The following RPS6KC1 variants were observed in gnomAD, a reference collection of about 807,000 sequenced individuals.
RPS6KC1 encodes the protein inactive ribosomal protein S6 kinase delta-1.
Under a neutral mutation model 103.8 loss-of-function variants are expected in RPS6KC1, and 54 were observed. That is an observed-to-expected ratio of 0.52 (90% CI 0.42 to 0.65). RPS6KC1 has a LOEUF of 0.65. Ranked by LOEUF, RPS6KC1 falls within the 30% of genes least tolerant of loss-of-function variation. RPS6KC1 has a pLI of 0.00. For synonymous variants in RPS6KC1, 439 were observed against 438.7 expected, an observed-to-expected ratio of 1.00 and a Z score of -0.01; for missense variants, 1,151 against 1,253.8, an observed-to-expected ratio of 0.92 and a Z score of 1.24.
At chr1:213,254,331 A>T (rs1284633048) in intron 12 of RPS6KC1, among the ~76,000 whole-genome samples, 1 of 152,194 alleles carries the variant, frequency 6.6e-6, no homozygotes, top group Non-Finnish European at 1.5e-5. Context: ...CTGTGTCTCC[A>T]TTACATTAAA....
At chr1:213,638,274 A>G in the RPS6KC1 span, among the ~76,000 whole-genome samples, 2 of 151,928 alleles carry the variant, frequency 1.3e-5, no homozygotes, top group African/African-American at 4.8e-5. Context: ...AAAATTCTTT[A>G]AATGTTTTGT....
the RPS6KC1 span, among the ~76,000 whole-genome samples, chr1:213,798,070 C>G: frequency 6.6e-6 from 1 of 152,180 alleles, no homozygotes; most frequent in African/African-American, 2.4e-5. Flanking sequence ...ATCAAGATGC[C>G]TGAAACTCTG....
the RPS6KC1 span, among the ~76,000 whole-genome samples, chr1:213,307,408 A>G: frequency 6.6e-6 from 1 of 152,094 alleles, no homozygotes; most frequent in Non-Finnish European, 1.5e-5. Flanking sequence ...AGAACTAACC[A>G]TATGCTCCTT....
chr1:213,668,364 T>G, the RPS6KC1 span, among the ~76,000 whole-genome samples: 2 of 152,022 alleles, frequency 1.3e-5, no homozygotes, highest in Non-Finnish European at 2.9e-5. Context: ...GCATTGTCAA[T>G]GAGCAGCAAT....
chr1:213,424,233 CAACTT>C, the RPS6KC1 span, among the ~76,000 whole-genome samples: 1 of 152,210 alleles, frequency 6.6e-6, no homozygotes, highest in Non-Finnish European at 1.5e-5. Flanking sequence ...TTTTCCAACT[CAACTT>C]CGGCTTTCTA....
At chr1:213,846,128 TAAAAA>T in the RPS6KC1 span, among the ~76,000 whole-genome samples, 3 of 82,836 alleles carry the variant, frequency 3.6e-5, no homozygotes, top group East Asian at 3.6e-4. Flanking sequence ...CCGTCTCAAC[TAAAAA>T]AAAAAAAAAA....
At chr1:213,507,257 C>T in the RPS6KC1 span, among the ~76,000 whole-genome samples, 51 of 152,252 alleles carry the variant, frequency 3.3e-4, no homozygotes, top group Admixed American at 2.0e-4. Flanking sequence ...ACTACCAACC[C>T]GCAGGGCCAA....
At chr1:213,501,056 AGATTT>A in the RPS6KC1 span, among the ~76,000 whole-genome samples, 1 of 152,004 alleles carries the variant, frequency 6.6e-6, no homozygotes, top group Non-Finnish European at 1.5e-5. Flanking sequence ...AATAGTCTAT[AGATTT>A]AATTCGATTT....
At chr1:213,581,144 G>A in the RPS6KC1 span, among the ~76,000 whole-genome samples, 2 of 151,938 alleles carry the variant, frequency 1.3e-5, no homozygotes, top group South Asian at 4.1e-4. Context: ...ACATGGCCCT[G>A]GAGAGTAGTT....
the RPS6KC1 span, among the ~76,000 whole-genome samples, chr1:213,572,072 C>T: frequency 1.3e-5 from 2 of 152,078 alleles, no homozygotes; most frequent in Non-Finnish European, 2.9e-5. Flanking sequence ...AACACTGTCT[C>T]GAGGGGATGC....
chr1:213,361,185 T>G, the RPS6KC1 span, among the ~76,000 whole-genome samples: 14 of 152,356 alleles, frequency 9.2e-5, no homozygotes, highest in Admixed American at 7.2e-4. Context: ...GCAGGCCTCC[T>G]TGAGCTGCGG....
At chr1:213,192,996 T>G (rs2092804558) in intron 8 of RPS6KC1, among the ~76,000 whole-genome samples, 1 of 152,122 alleles carries the variant, frequency 6.6e-6, no homozygotes, top group Non-Finnish European at 1.5e-5. Context: ...ATTTCTGTAG[T>G]TTCCAGAAAT....
the RPS6KC1 span, among the ~76,000 whole-genome samples, chr1:213,529,634 A>C: frequency 5.3e-5 from 8 of 152,178 alleles, no homozygotes; most frequent in African/African-American, 1.9e-4. Flanking sequence ...CCCATTTCAC[A>C]GATAGGGAAA....
At chr1:213,259,824 C>T (rs1004950273) in intron 12 of RPS6KC1, among the ~76,000 whole-genome samples, 2 of 150,054 alleles carry the variant, frequency 1.3e-5, no homozygotes, top group Non-Finnish European at 3.0e-5. Flanking sequence ...CCGCAACCTC[C>T]ACCTCCTGGG....
At chr1:213,202,675 A>AC (rs922003561) in intron 8 of RPS6KC1, among the ~76,000 whole-genome samples, 1 of 152,036 alleles carries the variant, frequency 6.6e-6, no homozygotes, top group African/African-American at 2.4e-5. Flanking sequence ...ATCAGTCAAA[A>AC]CCCCCTACAG....
chr1:213,698,130 T>C, the RPS6KC1 span, among the ~76,000 whole-genome samples: 3 of 152,344 alleles, frequency 2.0e-5, no homozygotes, highest in East Asian at 3.9e-4. Context: ...TATAATACTT[T>C]CGACTTATGT....
At chr1:213,368,775 A>C in the RPS6KC1 span, among the ~76,000 whole-genome samples, 109 of 152,370 alleles carry the variant, frequency 7.2e-4, no homozygotes, top group African/African-American at 2.6e-3. Flanking sequence ...GTCTGCGGAC[A>C]GATATGGAGA....
intron 4 of RPS6KC1, among the ~76,000 whole-genome samples, chr1:213,115,621 T>C (rs1053168407): frequency 2.0e-5 from 3 of 151,964 alleles, no homozygotes; most frequent in South Asian, 2.1e-4. Context: ...GCTCTTGCTT[T>C]TCTAGTTCTT....
intron 14 of RPS6KC1, among the ~76,000 whole-genome samples, chr1:213,269,628 A>G (rs188270514): frequency 4.5e-4 from 68 of 151,990 alleles, no homozygotes; most frequent in African/African-American, 1.6e-3. Context: ...GTAGAAATCA[A>G]CAAGAGGAGG....
Sources: allele counts gnomAD v4.1 joint callset (sites outside exome capture counted in the v4.1 genomes callset), GRCh38; gene constraint gnomAD v4.1.1; transcripts MANE v1.5; gene names NCBI Gene and HGNC (gene_info 2026-07-23, HGNC 2026-07-21).